ROBO1: variants seen among roughly 807,000 people sequenced by gnomAD.
ROBO1 encodes roundabout guidance receptor 1.
Under a neutral mutation model 195.9 loss-of-function variants are expected in ROBO1, and 149 were observed. The ratio of observed to expected loss-of-function variants is 0.76; its 90% CI spans 0.67 to 0.87. The LOEUF is 0.87. Among genes scored for constraint, ROBO1 ranks in the 40% least tolerant of loss-of-function variants. The probability of loss-of-function intolerance (pLI) is 0.00; values close to 1 mark genes in which losing one functional copy is unlikely to be tolerated. For missense variants in ROBO1, 1,933 were observed against 2,068.3 expected, an observed-to-expected ratio of 0.93 and a Z score of 1.27; for synonymous variants, 816 against 733.2, an observed-to-expected ratio of 1.11 and a Z score of -1.82.
chr3:78,619,362 T>C (rs973018651), intron 26 of ROBO1, among the ~76,000 whole-genome samples: 9 of 151,926 alleles, frequency 5.9e-5, no homozygotes, highest in African/African-American at 1.7e-4. Context: ...GTAGTTTACC[T>C]GAAGATATGG....
chr3:78,723,229 C>T (rs2082084130), intron 5 of ROBO1, among the ~76,000 whole-genome samples: 1 of 152,094 alleles, frequency 6.6e-6, no homozygotes, highest in Admixed American at 6.6e-5. Context: ...AAAAAACTTG[C>T]CGTTGTGTTA....
At chr3:79,532,251 G>A (rs540462241) in intron 2 of ROBO1, among the ~76,000 whole-genome samples, 168 of 152,212 alleles carry the variant, frequency 1.1e-3, no homozygotes, top group Non-Finnish European at 1.5e-3. Flanking sequence ...CTAAGTCCAC[G>A]TAAAGTGACA....
At chr3:78,707,987 C>T (rs779699740) in intron 8 of ROBO1, among the ~76,000 whole-genome samples, 17 of 152,088 alleles carry the variant, frequency 1.1e-4, no homozygotes, top group Non-Finnish European at 2.1e-4. Context: ...GTTCTTGGTT[C>T]GGTTTCCTGT....
At chr3:79,021,926 C>T (rs1428121064) in intron 3 of ROBO1, among the ~76,000 whole-genome samples, 1 of 152,204 alleles carries the variant, frequency 6.6e-6, no homozygotes, top group African/African-American at 2.4e-5. Context: ...TCCCAAAGTG[C>T]TGGGATTACA....
intron 8 of ROBO1, among the ~76,000 whole-genome samples, chr3:78,711,188 C>T (rs931682544): frequency 6.6e-6 from 1 of 152,114 alleles, no homozygotes; most frequent in Admixed American, 6.5e-5. Flanking sequence ...TCAAATGGAG[C>T]TTACTGTTGG....
chr3:79,500,286 C>T (rs1433592210), intron 2 of ROBO1, among the ~76,000 whole-genome samples: 2 of 152,000 alleles, frequency 1.3e-5, no homozygotes, highest in East Asian at 1.9e-4. Context: ...TGCGCCACCA[C>T]GCCAGGCTAC....
intron 2 of ROBO1, among the ~76,000 whole-genome samples, chr3:79,553,217 T>G (rs1266122446): frequency 1.3e-5 from 2 of 152,000 alleles, no homozygotes; most frequent in African/African-American, 4.8e-5. Flanking sequence ...ATTTTTAATT[T>G]GAACAAACTC....
At chr3:79,172,298 G>A (rs1427140614) in intron 2 of ROBO1, among the ~76,000 whole-genome samples, 1 of 152,144 alleles carries the variant, frequency 6.6e-6, no homozygotes, top group African/African-American at 2.4e-5. Flanking sequence ...AGGTTATTAT[G>A]AGTGACTATA....
intron 4 of ROBO1, among the ~76,000 whole-genome samples, chr3:78,860,326 A>ATATATTTTTTTT (rs376853384): frequency 2.1e-5 from 2 of 93,506 alleles, no homozygotes; most frequent in African/African-American, 9.0e-5. Flanking sequence ...ATATATATAT[A>ATATATTTTTTTT]TTTTTTTTTT....
chr3:78,617,191 C>A (rs1336829797), intron 27 of ROBO1, among the ~76,000 whole-genome samples: 1 of 152,042 alleles, frequency 6.6e-6, no homozygotes, highest in Admixed American at 6.6e-5. Flanking sequence ...ATTTTCCCTA[C>A]AGAATTTTTA....
intron 2 of ROBO1, among the ~76,000 whole-genome samples, chr3:79,465,952 T>C (rs1206315010): frequency 4.6e-5 from 7 of 152,040 alleles, no homozygotes; most frequent in South Asian, 2.1e-4. Flanking sequence ...ATTTTTCTTA[T>C]GGTCATTTTA....
rs113446886 is a variant in ROBO1, at chr3:78,996,664, T to C, written c.173-57737A>G. Reference sequence around the variant, plus strand: ...TCAATGCAGAACATATTTAAATGAGTGAACAAGATAGATCCACACAAACAC... The same window carrying C: ...TCAATGCAGAACATATTTAAATGAGCGAACAAGATAGATCCACACAAACAC... On this transcript the variant is annotated intron_variant, in intron 3 of 30. Coordinates refer to ENST00000464233, the MANE Select transcript of ROBO1 (RefSeq NM_002941.4). Among the ~76,000 whole-genome samples the C allele has an allele frequency of 9.2e-5, 14 of 151,954 alleles. 2 individuals carry two copies. Among genetic ancestry groups the C allele is most frequent in the African/African-American group, 3.4e-4 (14 of 41,466 alleles).
At chr3:79,745,677 T>C (rs1400432136) in intron 1 of ROBO1, among the ~76,000 whole-genome samples, 2 of 152,170 alleles carry the variant, frequency 1.3e-5, no homozygotes, top group African/African-American at 4.8e-5. Flanking sequence ...TAAAAAGAGA[T>C]AGCCAAGGTG....
intron 28 of ROBO1, among the ~76,000 whole-genome samples, chr3:78,607,967 C>A (rs749152233): frequency 7.9e-5 from 12 of 151,710 alleles, no homozygotes; most frequent in Non-Finnish European, 2.9e-5. Context: ...TGTTTACGTA[C>A]CCAGAGGTTT....
chr3:79,508,262 T>A (rs9840659), intron 2 of ROBO1, among the ~76,000 whole-genome samples: 111,694 of 151,914 alleles, frequency 0.74, 41,851 homozygotes, highest in African/African-American at 0.89. Context: ...ATAATAAAAA[T>A]CAAAAAGAAG....
intron 3 of ROBO1, among the ~76,000 whole-genome samples, chr3:79,111,229 C>A (rs2079880625): frequency 6.6e-6 from 1 of 152,148 alleles, no homozygotes; most frequent in South Asian, 2.1e-4. Flanking sequence ...GCTATTGTAG[C>A]CGAAATGTGA....
At chr3:79,561,511 T>G (rs1427778537) in intron 2 of ROBO1, among the ~76,000 whole-genome samples, 1 of 152,114 alleles carries the variant, frequency 6.6e-6, no homozygotes, top group East Asian at 1.9e-4. Context: ...AAGAGTAGAT[T>G]TAAACGTGGG....
chr3:79,536,556 C>T (rs1340846034), intron 2 of ROBO1, among the ~76,000 whole-genome samples: 1 of 152,040 alleles, frequency 6.6e-6, no homozygotes, highest in Non-Finnish European at 1.5e-5. Context: ...TGATTGCACA[C>T]AGATGTTTAG....
intron 4 of ROBO1, among the ~76,000 whole-genome samples, chr3:78,855,506 C>T (rs1214190481): frequency 2.6e-5 from 4 of 152,138 alleles, no homozygotes; most frequent in Non-Finnish European, 5.9e-5. Flanking sequence ...GAAACACCTC[C>T]GCACTGCTAG....
Sources: allele counts gnomAD v4.1 joint callset (sites outside exome capture counted in the v4.1 genomes callset), GRCh38; gene constraint gnomAD v4.1.1; transcripts MANE v1.5; gene names NCBI Gene and HGNC (gene_info 2026-07-23, HGNC 2026-07-21).